The following MBNL2 variants were observed in gnomAD, a reference collection of about 807,000 sequenced individuals.
MBNL2 encodes muscleblind-like protein 2.
MBNL2 carries 17 observed loss-of-function variants against 41.9 expected under a neutral mutation model. That is an observed-to-expected ratio of 0.41 (90% CI 0.28 to 0.61). MBNL2 has a LOEUF of 0.61. MBNL2 is among the 20% of genes least tolerant of loss of function. MBNL2 has a pLI of 0.35. For missense variants in MBNL2, 336 were observed against 505.6 expected, an observed-to-expected ratio of 0.66 and a Z score of 3.22; for synonymous variants, 195 against 182.9, an observed-to-expected ratio of 1.07 and a Z score of -0.53.
intron 8 of MBNL2, among the ~76,000 whole-genome samples, chr13:97,379,089 A>AT (rs2065205529): frequency 3.3e-5 from 5 of 152,180 alleles, no homozygotes; most frequent in Admixed American, 2.0e-4. Context: ...ACCTCTTCAT[A>AT]TGACTCCCCT....
intron 2 of MBNL2, among the ~76,000 whole-genome samples, chr13:97,285,686 C>T (rs370630740): frequency 4.6e-5 from 7 of 152,190 alleles, no homozygotes; most frequent in African/African-American, 1.7e-4. Context: ...ATATTGATCA[C>T]GTGCTCCTAA....
intron 2 of MBNL2, among the ~76,000 whole-genome samples, chr13:97,325,551 T>C (rs1338568251): frequency 2.0e-5 from 3 of 152,110 alleles, no homozygotes; most frequent in African/African-American, 7.2e-5. Context: ...GGCAACACAG[T>C]GCGAACCAGA....
chr13:97,175,296 C>T, the MBNL2 span, among the ~76,000 whole-genome samples: 1 of 152,214 alleles, frequency 6.6e-6, no homozygotes, highest in East Asian at 1.9e-4. Flanking sequence ...ACTCCTACTT[C>T]TTCCCCGTTT....
At chr13:97,176,329 G>C in the MBNL2 span, among the ~76,000 whole-genome samples, 3 of 152,128 alleles carry the variant, frequency 2.0e-5, no homozygotes, top group Non-Finnish European at 4.4e-5. Context: ...ACATTAACTT[G>C]GGGGCACTTT....
chr13:97,365,001 G>A, intron 7 of MBNL2, 135 bp from the exon 8 acceptor site: 1 of 760,124 alleles, frequency 1.3e-6, no homozygotes, highest in East Asian at 2.4e-5. Flanking sequence ...AATGTGAATG[G>A]CCCTAAAAGA....
At chr13:97,326,453 T>G (rs2059918797) in intron 2 of MBNL2, among the ~76,000 whole-genome samples, 2 of 152,230 alleles carry the variant, frequency 1.3e-5, no homozygotes, top group Admixed American at 1.3e-4. Flanking sequence ...TGTTGTGGTA[T>G]TCACCAAAAA....
the MBNL2 span, among the ~76,000 whole-genome samples, chr13:97,185,557 G>C: frequency 6.6e-6 from 1 of 152,178 alleles, no homozygotes; most frequent in Admixed American, 6.5e-5. Context: ...GAGATAAGAG[G>C]GTGAGAGAAG....
the MBNL2 span, chr13:97,172,960 C>G: frequency 3.2e-4 from 48 of 152,224 alleles, no homozygotes; most frequent in African/African-American, 1.2e-3. Flanking sequence ...ACCATGACAT[C>G]TTTGATACAT....
At chr13:97,295,628 C>G (rs902782137) in intron 2 of MBNL2, among the ~76,000 whole-genome samples, 1 of 152,132 alleles carries the variant, frequency 6.6e-6, no homozygotes, top group Non-Finnish European at 1.5e-5. Context: ...TCAAACCCTA[C>G]CCAGCTGGCA....
intron 8 of MBNL2, among the ~76,000 whole-genome samples, chr13:97,370,818 T>C (rs979639748): frequency 6.6e-6 from 1 of 152,194 alleles, no homozygotes; most frequent in Non-Finnish European, 1.5e-5. Flanking sequence ...GGAAACAGGT[T>C]CATGGGTTTC....
intron 8 of MBNL2, among the ~76,000 whole-genome samples, chr13:97,367,674 G>A (rs576577678): frequency 3.3e-5 from 5 of 152,224 alleles, no homozygotes; most frequent in Non-Finnish European, 5.9e-5. Flanking sequence ...GTTAAACCCC[G>A]TGACAGTGCT....
At chr13:97,254,930 G>T (rs893909996) in intron 1 of MBNL2, among the ~76,000 whole-genome samples, 1 of 152,154 alleles carries the variant, frequency 6.6e-6, no homozygotes, top group East Asian at 1.9e-4. Flanking sequence ...TAAAGCCAGA[G>T]CATACATCAT....
chr13:97,354,704 G>T (rs1422219455), intron 5 of MBNL2, among the ~76,000 whole-genome samples: 1 of 152,218 alleles, frequency 6.6e-6, no homozygotes, highest in Non-Finnish European at 1.5e-5. Flanking sequence ...TGTACTTGGA[G>T]ATTTCATTAA....
chr13:97,189,012 A>G, the MBNL2 span, among the ~76,000 whole-genome samples: 1 of 151,956 alleles, frequency 6.6e-6, no homozygotes, highest in Non-Finnish European at 1.5e-5. Flanking sequence ...CCCTCCATCT[A>G]GGGAGACTTT....
At chr13:97,210,467 A>G in the MBNL2 span, among the ~76,000 whole-genome samples, 7 of 149,080 alleles carry the variant, frequency 4.7e-5, no homozygotes, top group Non-Finnish European at 8.9e-5. Context: ...TGTAGTATGT[A>G]TGTGGATAGT....
At chr13:97,367,309 C>T (rs1212704783) in intron 8 of MBNL2, among the ~76,000 whole-genome samples, 1 of 152,210 alleles carries the variant, frequency 6.6e-6, no homozygotes, top group Non-Finnish European at 1.5e-5. Flanking sequence ...AACTTGCAAA[C>T]ATGTGCTCCT....
intron 8 of MBNL2, among the ~76,000 whole-genome samples, chr13:97,373,998 T>G (rs2064670217): frequency 6.6e-6 from 1 of 150,800 alleles, no homozygotes; most frequent in African/African-American, 2.4e-5. Context: ...CAAGAGTCCT[T>G]ATGCGGCACA....
chr13:97,234,776 T>C (rs1214979961), intron 1 of MBNL2, among the ~76,000 whole-genome samples: 5 of 152,238 alleles, frequency 3.3e-5, no homozygotes, highest in African/African-American at 1.2e-4. Flanking sequence ...TGTTTAGAGA[T>C]AAGGTACACG....
At chr13:97,352,322 T>C (rs966009952) in intron 5 of MBNL2, among the ~76,000 whole-genome samples, 7 of 152,228 alleles carry the variant, frequency 4.6e-5, no homozygotes, top group Non-Finnish European at 4.4e-5. Flanking sequence ...GCTTAATCAT[T>C]TCTAGCTTTT....
Sources: gnomAD v4.1 joint callset for allele counts (sites outside exome capture counted in the v4.1 genomes callset) on GRCh38, gnomAD v4.1.1 for gene constraint, MANE v1.5 for transcripts, NCBI Gene and HGNC (gene_info 2026-07-23, HGNC 2026-07-21) for gene names.